OXNAD1: variants seen among roughly 807,000 people sequenced by gnomAD.
The protein encoded by OXNAD1 is oxidoreductase NAD binding domain containing 1.
A neutral mutation model predicts 32.9 loss-of-function variants in OXNAD1; 34 were observed. The observed-to-expected ratio is 1.03, with a 90% CI of 0.79 to 1.38. OXNAD1 has a LOEUF of 1.38. OXNAD1 is among the 40% of genes most tolerant of loss of function. The probability of loss-of-function intolerance (pLI) is 0.00; values close to 1 mark genes in which losing one functional copy is unlikely to be tolerated. For synonymous variants in OXNAD1, 134 were observed against 135.2 expected (o/e 0.99, Z 0.06); for missense variants, 407 against 379.4 (o/e 1.07, Z -0.60).
In OXNAD1 at chr3:16,304,884, C is replaced by G. The variant is rs902348863; in HGVS notation, c.*1322C>G. 1 of 152,206 alleles carries G rather than the reference C, an allele frequency of 6.6e-6. No homozygotes were observed. Among genetic ancestry groups the G allele is most frequent in the Non-Finnish European group, 1.5e-5 (1 of 68,050 alleles). The allele number at this position is 152,206 out of a possible 1,614,324, so 9.4% of individuals were successfully genotyped here. A position where few individuals can be genotyped will look rare whatever the true frequency, so the allele number is the denominator to read the frequency against. ...TGATTCATGGGACCTGAAGGTGACT[C>G]TAGCTTCTGCCCAGTTTTGAGTTTT... On this transcript the variant is annotated 3_prime_UTR_variant, in exon 9 of 9. Coordinates refer to ENST00000285083, the MANE Select transcript of OXNAD1 (RefSeq NM_138381.5). The surrounding 1 kb of genome is among the most constrained non-coding windows in gnomAD (Gnocchi z 4.6).
At position 16,270,989 on chromosome 3, in the gene OXNAD1, C is replaced by T. The variant is rs146704754; in HGVS notation, c.37C>T (p.Arg13Trp). ...CAAVMIPGLLRCSVGAIRIEA... is the reference protein window; with the variant it reads ...CAAVMIPGLLWCSVGAIRIEA... ...TGCTGTTATGATTCCTGGGTTGTTG[C>T]GGTGCTCTGTTGGAGCCATCCGTAT... Residue 13 changes from arginine (R) to tryptophan (W), a missense_variant, in exon 3 of 9, where the codon CGG becomes TGG. Physicochemically the swap from Arg to Trp is moderately radical, Grantham distance 101. Coordinates refer to ENST00000285083, the MANE Select transcript of OXNAD1 (RefSeq NM_138381.5). 1.9e-4 allele frequency: 314 copies of T among 1,614,148 alleles called. No individual in the cohort carries two copies. The highest frequency in any genetic ancestry group is 8.7e-4 in the African/African-American group (65 of 75,042).
intron 4 of OXNAD1, among the ~76,000 whole-genome samples, chr3:16,273,476 T>G (rs867348676): frequency 2.7e-4 from 40 of 149,768 alleles, no homozygotes; most frequent in African/African-American, 9.9e-4. Flanking sequence ...TCACAGCAGC[T>G]TCTGTCTCCC....
In OXNAD1 at chr3:16,271,705, A is replaced by C. The variant is rs772614182; in HGVS notation, c.166A>C (p.Ser56Arg). Residue 56 changes from serine (S) to arginine (R), a missense_variant, in exon 4 of 9, where the codon AGT (serine) becomes CGT (arginine). Physicochemically the swap from Ser to Arg is moderately radical, Grantham distance 110. Transcript: ENST00000285083. The surrounding 1 kb of genome is among the most constrained non-coding windows in gnomAD (Gnocchi z 4.6). ...RKTDHMERTA[S>R]VLRREIVSAA... ...AACTGATCACATGGAGAGAACTGCA[A>C]GTGTCCTTCGACGGGAGGTTTGTAT... 5.6e-6 allele frequency: 9 copies of C among 1,607,738 alleles called. No individual in the cohort carries two copies. The African/African-American group carries it at 1.2e-4, about 22-fold the overall frequency.
In OXNAD1 at chr3:16,335,795, A is replaced by AAGGGG. The variant is rs2070788773; in HGVS notation, c.*31-1317_*31-1316insAGGGG. On this transcript the variant is annotated intron_variant, in intron 9 of 9. Transcript: ENST00000435829. The surrounding 1 kb of genome is among the most constrained non-coding windows in gnomAD (Gnocchi z 4.7). The stretch of plus-strand genomic sequence containing the variant: ...GAACTTTAAAAAAAAAAAAAAAAAA[A>AAGGGG]GGAGTTTGATCACACCATCAAATAT... Among the ~76,000 whole-genome samples the AAGGGG allele has an allele frequency of 7.0e-6, 1 of 142,898 alleles. No homozygotes were observed. Among genetic ancestry groups the AAGGGG allele is most frequent in the African/African-American group, 2.8e-5 (1 of 35,194 alleles). The allele number at this position is 142,898 out of a possible 152,430, so 93.7% of individuals were successfully genotyped here.
downstream of OXNAD1, among the ~76,000 whole-genome samples, chr3:16,339,000 A>G (rs1023799720): frequency 7.9e-5 from 12 of 152,216 alleles, no homozygotes; most frequent in African/African-American, 2.9e-4. The surrounding 1 kb of genome is among the most constrained non-coding windows in gnomAD (Gnocchi z 5.3). Flanking sequence ...GGTTGGTTCA[A>G]AACCTTAAGA....
chr3:16,323,096 T>TA (rs1319467122), intron 9 of OXNAD1, among the ~76,000 whole-genome samples: 5 of 152,144 alleles, frequency 3.3e-5, no homozygotes, highest in Non-Finnish European at 7.4e-5. Flanking sequence ...CTTTTCATCC[T>TA]AGTGGGAATA....
rs964674760 is a variant in OXNAD1 at position 16,265,260 on chromosome 3, G to A, written c.-404G>A. On this transcript the variant is annotated 5_prime_UTR_variant, in exon 1 of 9. Transcript: ENST00000285083. This position sits in a 1 kb window ranked among gnomAD's most constrained non-coding sequence, Gnocchi z 4.8. ...ACGTGGCCGGGTCTGCAAGCTAGGT[G>A]CCAGCGGGGAAAGTTTCCCTGCTTC... is the stretch of plus-strand genomic sequence containing the variant. The A allele has an allele frequency of 2.2e-5, 5 of 229,884 alleles. No individual in the cohort carries two copies. Among genetic ancestry groups the A allele is most frequent in the Middle Eastern group, 1.6e-3 (1 of 612 alleles). 14.2% of individuals were successfully genotyped at this position (229,884 alleles called of 1,614,324 possible).
chr3:16,282,003 A>G (rs2065777891), intron 4 of OXNAD1, among the ~76,000 whole-genome samples: 1 of 141,938 alleles, frequency 7.0e-6, no homozygotes, highest in Non-Finnish European at 1.5e-5. Flanking sequence ...AGCTGGGACT[A>G]CAAGTGTGCC....
intron 9 of OXNAD1, among the ~76,000 whole-genome samples, chr3:16,325,982 C>T (rs2069648721): frequency 6.6e-6 from 1 of 152,226 alleles, no homozygotes; most frequent in Admixed American, 6.5e-5. Context: ...ATTCTGCAGA[C>T]TGAGGTTCTA....
chr3:16,342,780 C>T lies in OXNAD1; in HGVS notation c.*31-6396C>T, dbSNP rs1426996328. Among the ~76,000 whole-genome samples, 3 of 152,190 alleles carry T rather than the reference C, an allele frequency of 2.0e-5. No homozygotes were observed. The highest frequency in any genetic ancestry group is 4.4e-5 in the Non-Finnish European group (3 of 68,028). On this transcript the variant is annotated intron_variant, in intron 9 of 9. Transcript: ENST00000606098. This position sits in a 1 kb window ranked among gnomAD's most constrained non-coding sequence, Gnocchi z 4.0. ...AAAAGCTCTGTGTCAACATGCATGC[C>T]CAGCTTATTCAAGTTGGAAGGGGTC...
chr3:16,276,293 G>A, intron 4 of OXNAD1: 1 of 205,206 alleles, frequency 4.9e-6, no homozygotes, highest in Non-Finnish European at 1.0e-5. Flanking sequence ...TTCTGATTTG[G>A]CTTTTAGGCA....
At chr3:16,273,513 C>A (rs2065107507) in intron 4 of OXNAD1, among the ~76,000 whole-genome samples, 1 of 151,276 alleles carries the variant, frequency 6.6e-6, no homozygotes, top group Non-Finnish European at 1.5e-5. Context: ...CCTGCCTAAG[C>A]CTCCTGATTA....
At chr3:16,333,801 A>G (rs1156693493) in intron 9 of OXNAD1, among the ~76,000 whole-genome samples, 13 of 152,242 alleles carry the variant, frequency 8.5e-5, no homozygotes, top group Non-Finnish European at 2.9e-5. Context: ...AGATATGAAG[A>G]GAGATCACAG....
chr3:16,351,880 A>G (rs914630561), downstream of OXNAD1, among the ~76,000 whole-genome samples: 2 of 151,380 alleles, frequency 1.3e-5, no homozygotes, highest in South Asian at 2.1e-4. This position sits in a 1 kb window ranked among gnomAD's most constrained non-coding sequence, Gnocchi z 5.4. Flanking sequence ...TAGAAAGACT[A>G]GAAAAAAAAA....
intron 4 of OXNAD1, among the ~76,000 whole-genome samples, chr3:16,279,319 G>A (rs2065581310): frequency 6.6e-6 from 1 of 152,144 alleles, no homozygotes; most frequent in Non-Finnish European, 1.5e-5. Flanking sequence ...GCCCCTAGGG[G>A]TGTGTAACTA....
At position 16,277,018 on chromosome 3, in the gene OXNAD1, G is replaced by A. The variant is rs1180099639; in HGVS notation, c.183+5296G>A. ...TGGCTCACTGCAACCTCTGCCTCCC[G>A]GGTTCAAGTGACTCTCCTGCCTCAG... On this transcript the variant is annotated intron_variant, in intron 4 of 8. Transcript: ENST00000285083. This position sits in a 1 kb window ranked among gnomAD's most constrained non-coding sequence, Gnocchi z 4.3. Among the ~76,000 whole-genome samples the A allele has an allele frequency of 2.0e-5, 3 of 150,930 alleles. No homozygotes were observed. Among genetic ancestry groups the A allele is most frequent in the South Asian group, 2.1e-4 (1 of 4,722 alleles).
downstream of OXNAD1, among the ~76,000 whole-genome samples, chr3:16,340,672 T>C (rs1255398652): frequency 6.6e-6 from 1 of 152,250 alleles, no homozygotes; most frequent in Non-Finnish European, 1.5e-5. Flanking sequence ...CTTGTCTTTA[T>C]ACAGGAAGGT....
At chr3:16,274,701 C>T (rs2065198332) in intron 4 of OXNAD1, among the ~76,000 whole-genome samples, 1 of 152,166 alleles carries the variant, frequency 6.6e-6, no homozygotes, top group African/African-American at 2.4e-5. Flanking sequence ...GTAACTTGCC[C>T]AAGCCATATA....
At position 16,348,641 on chromosome 3, in the gene OXNAD1, G is replaced by A. The variant is rs2071892734; in HGVS notation, c.*31-535G>A. Among the ~76,000 whole-genome samples, 1 of 152,216 alleles carries A rather than the reference G, an allele frequency of 6.6e-6. No individual in the cohort carries two copies. The highest frequency in any genetic ancestry group is 2.4e-5 in the African/African-American group (1 of 41,460). On this transcript the variant is annotated intron_variant, in intron 9 of 9. Transcript: ENST00000606098. This position sits in a 1 kb window ranked among gnomAD's most constrained non-coding sequence, Gnocchi z 6.3. ...AGGCTCCTTGATGTGTGGGGCCTCAGCAAATGCCCCTTTGCATCCTTGTTC... is the reference window on the plus strand; with the variant it reads ...AGGCTCCTTGATGTGTGGGGCCTCAACAAATGCCCCTTTGCATCCTTGTTC...
Sources: gnomAD v4.1 joint callset for allele counts (sites outside exome capture counted in the v4.1 genomes callset) on GRCh38, gnomAD v4.1.1 for gene constraint, Gnocchi (gnomAD v3.1) non-coding constraint, MANE v1.5 for transcripts, NCBI Gene and HGNC (gene_info 2026-07-23, HGNC 2026-07-21) for gene names.